CLIC5: variants seen among roughly 807,000 people sequenced by gnomAD.
CLIC5 encodes the protein CLIC family member 5, also known as chloride intracellular channel protein 5.
A neutral mutation model predicts 24.7 loss-of-function variants in CLIC5; 20 were observed. The ratio of observed to expected loss-of-function variants is 0.81; its 90% CI spans 0.57 to 1.18. CLIC5 has a LOEUF of 1.18. Among genes scored for constraint, CLIC5 ranks in the 50% most tolerant of loss-of-function variants. The pLI is 0.00. For synonymous variants in CLIC5, 159 were observed against 135.6 expected (o/e 1.17, Z -1.20); for missense variants, 341 against 326.1 (o/e 1.05, Z -0.35).
chr6:45,923,494 T>C (rs1469674714), intron 4 of CLIC5, among the ~76,000 whole-genome samples: 1 of 152,258 alleles, frequency 6.6e-6, no homozygotes, highest in Admixed American at 6.5e-5. Context: ...AATGCTAGAC[T>C]GAAATAATTA....
chr6:45,938,278 G>A (rs916380824), intron 4 of CLIC5, among the ~76,000 whole-genome samples: 2 of 152,190 alleles, frequency 1.3e-5, no homozygotes, highest in East Asian at 1.9e-4. Context: ...CTCTGGGACC[G>A]TAACACAGGA....
chr6:46,004,707 T>C (rs1021824681), intron 1 of CLIC5, among the ~76,000 whole-genome samples: 2 of 152,216 alleles, frequency 1.3e-5, no homozygotes, highest in Admixed American at 1.3e-4. Context: ...ATAATAATAA[T>C]CCTGCCACAC....
intron 1 of CLIC5, among the ~76,000 whole-genome samples, chr6:46,027,696 G>T (rs1767372595): frequency 1.3e-5 from 2 of 152,196 alleles, no homozygotes; most frequent in Non-Finnish European, 2.9e-5. Context: ...AGTTAGCAAT[G>T]CACTCCTGTG....
downstream of CLIC5, chr6:45,880,941 GCTAGCTTCAGCTTTAATTTTA>G (rs1468436723): frequency 2.6e-6 from 1 of 390,346 alleles, no homozygotes; most frequent in African/African-American, 2.1e-5. Flanking sequence ...GACATGAACT[GCTAGCTTCAGCTTTAATTTTA>G]CTAGAGGGAA....
At chr6:45,904,118 T>A (rs1187335153) in intron 5 of CLIC5, among the ~76,000 whole-genome samples, 2 of 152,188 alleles carry the variant, frequency 1.3e-5, no homozygotes, top group Non-Finnish European at 2.9e-5. Flanking sequence ...GGATTTGCAA[T>A]CATGGCTCCA....
chr6:45,997,435 C>A (rs1186467081), intron 1 of CLIC5, among the ~76,000 whole-genome samples: 1 of 147,708 alleles, frequency 6.8e-6, no homozygotes, highest in East Asian at 2.0e-4. Flanking sequence ...AGCGCACCAG[C>A]ATGGCACATG....
intron 1 of CLIC5, among the ~76,000 whole-genome samples, chr6:46,022,850 G>A (rs1283197237): frequency 6.6e-6 from 1 of 152,178 alleles, no homozygotes; most frequent in African/African-American, 2.4e-5. Flanking sequence ...AACATACAGT[G>A]TGCATACCAC....
At chr6:46,108,122 T>C in the CLIC5 span, among the ~76,000 whole-genome samples, 1 of 150,740 alleles carries the variant, frequency 6.6e-6, no homozygotes, top group Admixed American at 6.6e-5. Flanking sequence ...TAAAAAGGGT[T>C]TATGGAAATA....
At chr6:46,102,458 A>G in the CLIC5 span, 39 of 152,338 alleles carry the variant, frequency 2.6e-4, no homozygotes, top group African/African-American at 8.2e-4. Context: ...TTTATACAGA[A>G]AGGCAAAGGG....
At chr6:45,923,627 G>T (rs1763360506) in intron 4 of CLIC5, among the ~76,000 whole-genome samples, 2 of 152,204 alleles carry the variant, frequency 1.3e-5, no homozygotes, top group Admixed American at 6.5e-5. Context: ...TTCCCCACAT[G>T]GATTGCTGGG....
intron 1 of CLIC5, among the ~76,000 whole-genome samples, chr6:45,974,936 T>A (rs983666049): frequency 6.6e-6 from 1 of 152,178 alleles, no homozygotes; most frequent in Non-Finnish European, 1.5e-5. Context: ...TGCCTCAAAG[T>A]GAATTTCCAC....
At chr6:46,123,644 T>C in the CLIC5 span, among the ~76,000 whole-genome samples, 1 of 152,184 alleles carries the variant, frequency 6.6e-6, no homozygotes, top group Non-Finnish European at 1.5e-5. Flanking sequence ...AGTCAAATTG[T>C]CTCTGTTTGC....
At chr6:45,930,757 T>C (rs1256430096) in intron 4 of CLIC5, among the ~76,000 whole-genome samples, 1 of 152,198 alleles carries the variant, frequency 6.6e-6, no homozygotes, top group African/African-American at 2.4e-5. Context: ...TATCACATAT[T>C]GGTGCCTACT....
At chr6:46,114,363 T>G in the CLIC5 span, among the ~76,000 whole-genome samples, 14 of 152,212 alleles carry the variant, frequency 9.2e-5, no homozygotes, top group Non-Finnish European at 1.5e-4. Context: ...TTGGCAGCAC[T>G]GCTCATTACC....
intron 1 of CLIC5, among the ~76,000 whole-genome samples, chr6:45,959,635 CTGA>C (rs56192226): frequency 0.87 from 131,507 of 151,858 alleles, 57,414 homozygotes; most frequent in Non-Finnish European, 0.9. Flanking sequence ...GCCTCCCAGG[CTGA>C]AGCAAATACT....
chr6:46,067,226 C>T (rs1762467284), intron 1 of CLIC5, among the ~76,000 whole-genome samples: 1 of 152,116 alleles, frequency 6.6e-6, no homozygotes, highest in South Asian at 2.1e-4. Context: ...ACAACAAGCT[C>T]AGTGCCCCCA....
chr6:46,031,937 T>TACAC (rs140743439), intron 1 of CLIC5, among the ~76,000 whole-genome samples: 9 of 138,662 alleles, frequency 6.5e-5, no homozygotes, highest in African/African-American at 2.2e-4. Context: ...TATATATATA[T>TACAC]ATACACACAC....
downstream of CLIC5, among the ~76,000 whole-genome samples, chr6:45,894,720 C>T (rs1762379130): frequency 6.6e-6 from 1 of 152,128 alleles, no homozygotes; most frequent in Non-Finnish European, 1.5e-5. Context: ...GTCTTAGGGC[C>T]ATTTAGGGCC....
At chr6:45,967,065 TTCCTCTAGTCAGCCA>T (rs1561970656) in intron 1 of CLIC5, among the ~76,000 whole-genome samples, 1 of 152,246 alleles carries the variant, frequency 6.6e-6, no homozygotes, top group Non-Finnish European at 1.5e-5. Context: ...TCCAGCCACC[TTCCTCTAGTCAGCCA>T]TGGTGAAAAA....
Sources: allele counts gnomAD v4.1 joint callset (sites outside exome capture counted in the v4.1 genomes callset), GRCh38; gene constraint gnomAD v4.1.1; transcripts MANE v1.5; gene names NCBI Gene and HGNC (gene_info 2026-07-23, HGNC 2026-07-21).